The following RGS5 variants were observed in gnomAD, a reference collection of about 807,000 sequenced individuals.
The protein encoded by RGS5 is regulator of G protein signaling 5.
A neutral mutation model predicts 18.9 loss-of-function variants in RGS5; 20 were observed. That is an observed-to-expected ratio of 1.06 (90% CI 0.74 to 1.54). The LOEUF is 1.54. Among genes scored for constraint, RGS5 ranks in the 40% most tolerant of loss-of-function variants. The pLI, the probability that RGS5 is intolerant of heterozygous loss-of-function variation, is 0.00. For missense variants in RGS5, 201 were observed against 211.8 expected, an observed-to-expected ratio of 0.95 and a Z score of 0.32; for synonymous variants, 57 against 76.2, an observed-to-expected ratio of 0.75 and a Z score of 1.31.
At chr1:163,156,110 CA>C (rs1383200569) in intron 3 of RGS5, among the ~76,000 whole-genome samples, 5 of 152,092 alleles carry the variant, frequency 3.3e-5, no homozygotes, top group African/African-American at 4.8e-5. Flanking sequence ...TCTCTTCAAC[CA>C]GGGGGGATAA....
rs377049733 is a variant in RGS5, at chr1:163,168,240, T to A, written c.155+18A>T. The A allele has an allele frequency of 1.3e-5, 20 of 1,561,732 alleles. No individual in the cohort carries two copies. In the African/African-American group the frequency reaches 2.7e-4, roughly 21 times the overall value. ...CATCCTCTGGAGGAAATGAGTGGAA[T>A]CCATATTCATGACTCACTTCTGGGT... On this transcript the variant is annotated intron_variant, in intron 2 of 4. Transcript: ENST00000313961.
At chr1:163,257,898 C>T (rs545098140) in intron 2 of RGS5, among the ~76,000 whole-genome samples, 1 of 152,188 alleles carries the variant, frequency 6.6e-6, no homozygotes, top group South Asian at 2.1e-4. Flanking sequence ...AAGATTTTGT[C>T]GTTTCCTCTT....
At chr1:163,296,577 C>A (rs1214736657) in intron 2 of RGS5, among the ~76,000 whole-genome samples, 1 of 152,134 alleles carries the variant, frequency 6.6e-6, no homozygotes, top group Admixed American at 6.5e-5. Context: ...ATTCAAACTA[C>A]AAAAGATGCT....
chr1:163,289,858 T>G (rs1437649298), intron 2 of RGS5, among the ~76,000 whole-genome samples: 3 of 152,126 alleles, frequency 2.0e-5, no homozygotes, highest in African/African-American at 7.2e-5. Context: ...ATAATTTCTT[T>G]TCTAACAAAA....
chr1:163,175,188 GT>G (rs1334480785), intron 1 of RGS5, among the ~76,000 whole-genome samples: 19 of 152,236 alleles, frequency 1.2e-4, no homozygotes, highest in Middle Eastern at 3.4e-3. Context: ...ACAGCCGAGA[GT>G]AAGACATTTG....
intron 2 of RGS5, among the ~76,000 whole-genome samples, chr1:163,264,826 A>G (rs1467418927): frequency 6.6e-6 from 1 of 151,996 alleles, no homozygotes; most frequent in African/African-American, 2.4e-5. Context: ...CTCCCAGTTC[A>G]TCACTCTCCT....
intron 2 of RGS5, among the ~76,000 whole-genome samples, chr1:163,276,428 TTAGA>T (rs1048391536): frequency 1.3e-5 from 2 of 151,446 alleles, no homozygotes; most frequent in African/African-American, 4.9e-5. Context: ...TATGAGTTGT[TTAGA>T]TAGATAGATA....
In RGS5 at chr1:163,306,909, T is replaced by C. The variant is rs1028900254; in HGVS notation, c.-377-580A>G. Reference sequence around the variant, plus strand: ...GGCATCAACCTTGCTGATATCTTAATCTAGTACTTCTAGGCTCCAGGACTG... The same window carrying C: ...GGCATCAACCTTGCTGATATCTTAACCTAGTACTTCTAGGCTCCAGGACTG... On this transcript the variant is annotated intron_variant, in intron 1 of 5. Transcript: ENST00000618415. 1.5e-3 allele frequency among the ~76,000 whole-genome samples: 226 copies of C among 152,330 alleles called. 2 individuals are homozygous for C. Among genetic ancestry groups the C allele is most frequent in the Non-Finnish European group, 3.2e-4 (22 of 68,034 alleles).
rs572973336 is a variant in RGS5, at chr1:163,191,165, C to T, written c.44+11627G>A. On this transcript the variant is annotated intron_variant, in intron 1 of 4. Transcript: ENST00000313961. ...CTGTCCTGTTTGTCAGCAAAAGAGA[C>T]AGAGACTGCCGATGGCTATGTGGCA... Among the ~76,000 whole-genome samples, 4 of 152,190 alleles carry T rather than the reference C, an allele frequency of 2.6e-5. No homozygotes were observed. The South Asian group carries it at 8.3e-4, about 32-fold the overall frequency.
intron 2 of RGS5, among the ~76,000 whole-genome samples, chr1:163,164,433 T>C (rs1040472833): frequency 2.6e-5 from 4 of 152,238 alleles, no homozygotes; most frequent in African/African-American, 9.6e-5. Context: ...AAATGCCACC[T>C]GGCCCAGGAA....
intron 1 of RGS5, among the ~76,000 whole-genome samples, chr1:163,316,338 T>C (rs1650021398): frequency 2.6e-5 from 4 of 152,230 alleles, no homozygotes; most frequent in Non-Finnish European, 5.9e-5. Flanking sequence ...ATATATCGCA[T>C]AATACAGTAC....
At chr1:163,302,482 T>C (rs16852295) in intron 2 of RGS5, among the ~76,000 whole-genome samples, 10,260 of 152,218 alleles carry the variant, frequency 0.067, 365 homozygotes, top group South Asian at 0.095. Flanking sequence ...AGTGATTTGT[T>C]TGGGATGATT....
At chr1:163,166,805 G>A (rs1388716075) in intron 2 of RGS5, among the ~76,000 whole-genome samples, 1 of 152,166 alleles carries the variant, frequency 6.6e-6, no homozygotes, top group Non-Finnish European at 1.5e-5. Context: ...CAGTTTAAGG[G>A]TCTATGTGAA....
chr1:163,158,893 C>T (rs1488328943), intron 3 of RGS5, among the ~76,000 whole-genome samples: 4 of 152,148 alleles, frequency 2.6e-5, no homozygotes, highest in Admixed American at 6.5e-5. Flanking sequence ...GAGACTGGGG[C>T]TTATTGCATC....
intron 1 of RGS5, among the ~76,000 whole-genome samples, chr1:163,173,004 T>C (rs1658374894): frequency 6.6e-6 from 1 of 152,112 alleles, no homozygotes; most frequent in African/African-American, 2.4e-5. Flanking sequence ...AACAAAACAA[T>C]AGCTCCAGCT....
At chr1:163,149,033 C>T (rs995934488) in intron 4 of RGS5, among the ~76,000 whole-genome samples, 1 of 152,166 alleles carries the variant, frequency 6.6e-6, no homozygotes, top group Non-Finnish European at 1.5e-5. Flanking sequence ...GGAGCCAGGT[C>T]AGAACAGACA....
chr1:163,284,229 G>A (rs1649078490), intron 2 of RGS5, among the ~76,000 whole-genome samples: 1 of 152,034 alleles, frequency 6.6e-6, no homozygotes, highest in East Asian at 1.9e-4. Context: ...TCACTTACCG[G>A]TTTATTCACC....
At chr1:163,217,505 A>C (rs1404007879) in intron 1 of RGS5, 16 of 1,514,300 alleles carry the variant, frequency 1.1e-5, no homozygotes, top group Non-Finnish European at 1.4e-5. Flanking sequence ...ACCATTATTT[A>C]AGACTAATAT....
rs1026995196 is a variant in RGS5 at position 163,180,686 on chromosome 1, G to GTTTTTTT, written c.45-12325_45-12319dup. On this transcript the variant is annotated intron_variant, in intron 1 of 4. Transcript: ENST00000313961. ...CCCTTTGTAATAAAGCCCTTACCCT[G>GTTTTTTT]TTTTTTTTTTTTTTTTTTTTTTTTT... 8.0e-3 allele frequency among the ~76,000 whole-genome samples: 497 copies of GTTTTTTT among 61,980 alleles called. 123 individuals are homozygous for GTTTTTTT. The highest frequency in any genetic ancestry group is 0.011 in the African/African-American group (150 of 14,030). 40.7% of individuals were successfully genotyped at this position (61,980 alleles called of 152,430 possible). A position where few individuals can be genotyped will look rare whatever the true frequency, so the allele number is the denominator to read the frequency against.
Sources: allele counts gnomAD v4.1 joint callset (sites outside exome capture counted in the v4.1 genomes callset), GRCh38; gene constraint gnomAD v4.1.1; transcripts MANE v1.5; gene names NCBI Gene and HGNC (gene_info 2026-07-23, HGNC 2026-07-21).